Variants in RAD18 observed in about 807,000 individuals in gnomAD.
RAD18 encodes the protein E3 ubiquitin-protein ligase RAD18.
In RAD18, 47 loss-of-function variants were observed where a neutral mutation model predicts 60.4. That is an observed-to-expected ratio of 0.78 (90% confidence interval 0.62 to 0.99). The LOEUF is 0.99. Among genes scored for constraint, RAD18 ranks in the 50% least tolerant of loss-of-function variants. RAD18 has a pLI of 0.00. For synonymous variants in RAD18, 225 were observed against 195.5 expected, an observed-to-expected ratio of 1.15 and a Z score of -1.26; for missense variants, 640 against 593.3, an observed-to-expected ratio of 1.08 and a Z score of -0.82.
chr3:8,946,761 A>T (rs1164957270), intron 4 of RAD18, among the ~76,000 whole-genome samples: 2 of 152,242 alleles, frequency 1.3e-5, no homozygotes, highest in Non-Finnish European at 2.9e-5. Flanking sequence ...GTGTATATAC[A>T]TGAGTTAGTA....
chr3:8,906,477 C>T (rs2125052552), intron 9 of RAD18, among the ~76,000 whole-genome samples: 1 of 152,286 alleles, frequency 6.6e-6, no homozygotes, highest in Non-Finnish European at 1.5e-5. Flanking sequence ...ACTCTAAACA[C>T]TTCTGACCTC....
At chr3:8,931,123 A>G (rs751094878) in intron 7 of RAD18, among the ~76,000 whole-genome samples, 1 of 152,302 alleles carries the variant, frequency 6.6e-6, no homozygotes, top group East Asian at 1.9e-4. Context: ...TAAAAATCCT[A>G]TGAAATCTAT....
chr3:8,887,083 T>C (rs1939579742), intron 12 of RAD18, among the ~76,000 whole-genome samples: 1 of 152,180 alleles, frequency 6.6e-6, no homozygotes, highest in Non-Finnish European at 1.5e-5. Context: ...GAGTAAGCAG[T>C]GGCACAAAGG....
At chr3:8,915,931 A>G (rs1170240952) in intron 7 of RAD18, among the ~76,000 whole-genome samples, 1 of 152,132 alleles carries the variant, frequency 6.6e-6, no homozygotes, top group East Asian at 1.9e-4. Context: ...AAGAGTCCTC[A>G]GTCTCTCTGT....
At chr3:8,902,568 A>G in intron 9 of RAD18, 48 bp from the exon 10 acceptor site, 1 of 1,512,094 alleles carries the variant, frequency 6.6e-7, no homozygotes, top group Non-Finnish European at 8.9e-7. Context: ...ATGAAAGTTA[A>G]CCATCTACAA....
At chr3:8,900,662 C>G (rs1575537005) in intron 10 of RAD18, among the ~76,000 whole-genome samples, 1 of 152,144 alleles carries the variant, frequency 6.6e-6, no homozygotes, top group Admixed American at 6.5e-5. Context: ...TAAGTTTTCA[C>G]TTGAGAGAAT....
rs2125043681 is a variant in RAD18 at position 8,881,128 on chromosome 3, TCA to T, written c.*227_*228del. 1 of 456,756 alleles carries T rather than the reference TCA, an allele frequency of 2.2e-6. No individual in the cohort carries two copies. The highest frequency in any genetic ancestry group is 4.2e-5 in the East Asian group (1 of 23,792). 28.3% of individuals were successfully genotyped at this position (456,756 alleles called of 1,614,324 possible). ...GCAAAGCTGGTACCTGTGTGAAATG[TCA>T]GTATTTTTAGAGAGAGATGTTTTAG... is the stretch of plus-strand genomic sequence containing the variant. On this transcript the variant is annotated 3_prime_UTR_variant, in exon 13 of 13. Coordinates refer to ENST00000264926, the MANE Select transcript of RAD18 (RefSeq NM_020165.4).
At chr3:8,962,913 A>G (rs1429792717) in intron 1 of RAD18, among the ~76,000 whole-genome samples, 1 of 152,194 alleles carries the variant, frequency 6.6e-6, no homozygotes, top group South Asian at 2.1e-4. Flanking sequence ...CCTGTAAAGG[A>G]GACTACCTGC....
rs1241242785 is a variant in RAD18, at chr3:8,941,493, G to A, written c.578C>T (p.Thr193Ile). 2.5e-6 allele frequency: 4 copies of A among 1,610,664 alleles called. No individual in the cohort carries two copies. The East Asian group carries it at 8.9e-5, about 36-fold the overall frequency. The change falls in exon 5 of 13, where the codon ACA becomes ATA. Residue 193 changes from threonine (T) to isoleucine (I), a missense_variant. By Grantham distance (89) the Thr-to-Ile change is moderately conservative (BLOSUM62 -1). Coordinates refer to ENST00000264926, the MANE Select transcript of RAD18 (RefSeq NM_020165.4). ...TTTAGTAACTTGTTTCAAAGTGGATGTCGAGGGTGGCTCAGGACGCTTAGC... is the reference window on the plus strand; with the variant it reads ...TTTAGTAACTTGTTTCAAAGTGGATATCGAGGGTGGCTCAGGACGCTTAGC... ...SEAKRPEPPS[T>I]STLKQVTKVD...
intron 11 of RAD18, among the ~76,000 whole-genome samples, chr3:8,897,939 G>C (rs572047547): frequency 1.1e-3 from 165 of 152,246 alleles, no homozygotes; most frequent in African/African-American, 3.7e-3. Flanking sequence ...AGGCGTGGTG[G>C]CACAGGCCTG....
At chr3:8,922,523 C>A (rs1282618069) in intron 7 of RAD18, among the ~76,000 whole-genome samples, 37 of 152,218 alleles carry the variant, frequency 2.4e-4, no homozygotes, top group Non-Finnish European at 4.3e-4. Flanking sequence ...CAGCAGAAAC[C>A]TCTGCAGGCT....
chr3:8,895,897 T>C (rs956061840), intron 11 of RAD18, among the ~76,000 whole-genome samples: 1 of 152,272 alleles, frequency 6.6e-6, no homozygotes, highest in African/African-American at 2.4e-5. Context: ...TTCCGAACAC[T>C]GGACTTTCCC....
intron 12 of RAD18, among the ~76,000 whole-genome samples, chr3:8,886,428 T>C (rs1156230387): frequency 6.6e-6 from 1 of 152,216 alleles, no homozygotes; most frequent in East Asian, 1.9e-4. Context: ...CTTAAAATTT[T>C]GTTTTTAGTT....
chr3:8,884,887 T>A (rs1939531237), intron 12 of RAD18, among the ~76,000 whole-genome samples: 1 of 152,204 alleles, frequency 6.6e-6, no homozygotes, highest in Admixed American at 6.5e-5. Context: ...TAACACTTCA[T>A]AAGATCTCAC....
Position 8,889,912 on chromosome 3 carries a change from C to G in RAD18, c.1385+477G>C, listed in dbSNP as rs1375932340. On this transcript the variant is annotated intron_variant, in intron 12 of 12. Transcript: ENST00000264926. ...GTAAGATTATAATACCATGTTTTTA[C>G]TGTACCTTTTCCAGGTTTAGATACA... 2.0e-5 allele frequency among the ~76,000 whole-genome samples: 3 copies of G among 152,196 alleles called. No individual in the cohort carries two copies. The East Asian group carries it at 5.8e-4, about 29-fold the overall frequency.
chr3:8,934,023 T>C (rs564878431), intron 7 of RAD18, among the ~76,000 whole-genome samples: 6 of 152,346 alleles, frequency 3.9e-5, no homozygotes, highest in Non-Finnish European at 7.3e-5. Flanking sequence ...CCAAGACTTC[T>C]GGCAATTCAG....
At chr3:8,942,057 A>G (rs1940757056) in intron 4 of RAD18, among the ~76,000 whole-genome samples, 1 of 152,196 alleles carries the variant, frequency 6.6e-6, no homozygotes, top group African/African-American at 2.4e-5. Flanking sequence ...TATGAGACCT[A>G]ATCTCCAACC....
At chr3:8,948,885 T>C (rs1940881699) in intron 2 of RAD18, among the ~76,000 whole-genome samples, 1 of 152,222 alleles carries the variant, frequency 6.6e-6, no homozygotes, top group Non-Finnish European at 1.5e-5. Flanking sequence ...ACCTGCCAGA[T>C]ATCTCTACTG....
intron 6 of RAD18, among the ~76,000 whole-genome samples, chr3:8,937,409 A>G (rs1273835600): frequency 1.3e-5 from 2 of 152,190 alleles, no homozygotes; most frequent in African/African-American, 4.8e-5. Context: ...TTCCCCAAAC[A>G]CGAAAATGAC....
Sources: allele counts gnomAD v4.1 joint callset (sites outside exome capture counted in the v4.1 genomes callset), GRCh38; gene constraint gnomAD v4.1.1; transcripts MANE v1.5; gene names NCBI Gene and HGNC (gene_info 2026-07-23, HGNC 2026-07-21).